The following ACTR3B variants were observed in gnomAD, a reference collection of about 807,000 sequenced individuals.
The protein encoded by ACTR3B is actin-related protein 3B.
ACTR3B carries 8 observed loss-of-function variants against 59.0 expected under a neutral mutation model. The ratio of observed to expected loss-of-function variants is 0.14; its 90% CI spans 0.08 to 0.24. ACTR3B has a LOEUF of 0.24. ACTR3B is among the 10% of genes least tolerant of loss of function. The pLI, the probability that ACTR3B is intolerant of heterozygous loss-of-function variation, is 1.00. For missense variants in ACTR3B, 245 were observed against 552.3 expected, an observed-to-expected ratio of 0.44 and a Z score of 5.58; for synonymous variants, 148 against 197.9, an observed-to-expected ratio of 0.75 and a Z score of 2.12.
intron 2 of ACTR3B, among the ~76,000 whole-genome samples, chr7:152,788,014 T>TC (rs1412776058): frequency 1.3e-5 from 2 of 152,222 alleles, no homozygotes; most frequent in East Asian, 3.9e-4. Flanking sequence ...AACCTCCGCC[T>TC]CCCAGGTTCA....
intron 9 of ACTR3B, among the ~76,000 whole-genome samples, chr7:152,833,879 G>A (rs1302395911): frequency 4.6e-5 from 7 of 152,160 alleles, no homozygotes; most frequent in African/African-American, 1.4e-4. Context: ...ATCCGGCAAG[G>A]TAAGGTTGCG....
intron 4 of ACTR3B, chr7:152,813,168 C>T (rs2116814256): frequency 9.3e-6 from 1 of 107,722 alleles, no homozygotes; most frequent in African/African-American, 3.6e-5. Flanking sequence ...CTTGAAAGGC[C>T]CTATTTCCAA....
At chr7:152,818,520 G>A (rs185459342) in intron 6 of ACTR3B, among the ~76,000 whole-genome samples, 53 of 151,968 alleles carry the variant, frequency 3.5e-4, no homozygotes, top group Middle Eastern at 3.4e-3. Flanking sequence ...GCACGATCTC[G>A]GCACACTGCA....
intron 9 of ACTR3B, among the ~76,000 whole-genome samples, chr7:152,834,076 T>G (rs186930333): frequency 2.0e-5 from 3 of 151,166 alleles, no homozygotes; most frequent in Admixed American, 2.0e-4. Context: ...CATGTTCAAT[T>G]TAGAAAATTT....
At chr7:152,821,160 C>T (rs1049903574) in intron 7 of ACTR3B, among the ~76,000 whole-genome samples, 44 of 152,210 alleles carry the variant, frequency 2.9e-4, no homozygotes, top group Non-Finnish European at 5.1e-4. Context: ...GTGGGGAAGA[C>T]GTGGTCCCTT....
At chr7:152,833,696 T>C (rs185449176) in intron 9 of ACTR3B, among the ~76,000 whole-genome samples, 2 of 152,336 alleles carry the variant, frequency 1.3e-5, no homozygotes, top group South Asian at 2.1e-4. Flanking sequence ...GCTGTTAATA[T>C]AGATTTTATT....
chr7:152,804,522 CAG>C (rs2098246368), intron 4 of ACTR3B, among the ~76,000 whole-genome samples: 1 of 152,142 alleles, frequency 6.6e-6, no homozygotes, highest in Non-Finnish European at 1.5e-5. Flanking sequence ...CTCTGGCACA[CAG>C]AGTCTTGAAG....
At chr7:152,831,177 A>C (rs1003219858) in intron 9 of ACTR3B, among the ~76,000 whole-genome samples, 1 of 152,250 alleles carries the variant, frequency 6.6e-6, no homozygotes, top group Non-Finnish European at 1.5e-5. Flanking sequence ...GGCTGATGTT[A>C]ACAACTGGAA....
At chr7:152,783,977 C>T (rs2098163356) in intron 2 of ACTR3B, among the ~76,000 whole-genome samples, 1 of 151,954 alleles carries the variant, frequency 6.6e-6, no homozygotes, top group African/African-American at 2.4e-5. Flanking sequence ...GTAATCCCAG[C>T]GACTCGGGAG....
At chr7:152,767,430 C>A (rs946215608) in intron 1 of ACTR3B, among the ~76,000 whole-genome samples, 17 of 152,162 alleles carry the variant, frequency 1.1e-4, no homozygotes, top group Non-Finnish European at 1.5e-4. Flanking sequence ...GCCGGCTTCC[C>A]CTGCCCATCT....
chr7:152,761,272 T>C (rs2098088503), intron 1 of ACTR3B, among the ~76,000 whole-genome samples: 1 of 152,120 alleles, frequency 6.6e-6, no homozygotes, highest in African/African-American at 2.4e-5. Flanking sequence ...CACCCTTAAC[T>C]CATGCCCTCC....
At chr7:152,805,310 GGA>G (rs1346107038) in intron 4 of ACTR3B, among the ~76,000 whole-genome samples, 1 of 151,878 alleles carries the variant, frequency 6.6e-6, no homozygotes, top group Non-Finnish European at 1.5e-5. Context: ...GGAGGAAGAA[GGA>G]GAGTTTGGTT....
chr7:152,827,437 G>C (rs1037106608), intron 9 of ACTR3B, among the ~76,000 whole-genome samples: 5 of 151,988 alleles, frequency 3.3e-5, no homozygotes, highest in Non-Finnish European at 5.9e-5. Context: ...CCCGTTGTGG[G>C]AAAGGAGAGA....
chr7:152,760,049 G>C, intron 1 of ACTR3B, 123 bp downstream of exon 1: 1 of 872,188 alleles, frequency 1.1e-6, no homozygotes, highest in Non-Finnish European at 1.5e-6. Flanking sequence ...GATCACCTGG[G>C]CAGGTGGGGC....
chr7:152,836,239 G>T (rs1797446074), intron 9 of ACTR3B, among the ~76,000 whole-genome samples: 1 of 152,216 alleles, frequency 6.6e-6, no homozygotes, highest in Non-Finnish European at 1.5e-5. Context: ...CAAAAGATAG[G>T]CTCAGTAAAT....
intron 9 of ACTR3B, among the ~76,000 whole-genome samples, chr7:152,851,406 A>G (rs58882315): frequency 0.079 from 12,054 of 152,266 alleles, 692 homozygotes; most frequent in African/African-American, 0.16. Flanking sequence ...GAAGAGGACC[A>G]GCTGCTCGGG....
At chr7:152,811,196 G>A (rs1023676649) in intron 4 of ACTR3B, 7 of 147,590 alleles carry the variant, frequency 4.7e-5, no homozygotes, top group Non-Finnish European at 1.0e-4. Flanking sequence ...TTAACTGAGA[G>A]ACTTTTAGTA....
chr7:152,772,568 A>G (rs1253666352), intron 1 of ACTR3B, among the ~76,000 whole-genome samples: 1 of 151,318 alleles, frequency 6.6e-6, no homozygotes, highest in African/African-American at 2.4e-5. Flanking sequence ...AAGAAGGAAG[A>G]CAATGTGATT....
At chr7:152,761,611 T>C (rs1351032516) in intron 1 of ACTR3B, among the ~76,000 whole-genome samples, 1 of 152,198 alleles carries the variant, frequency 6.6e-6, no homozygotes, top group African/African-American at 2.4e-5. Context: ...TAGATCATTG[T>C]TTTGTGGCCC....
Sources: allele counts gnomAD v4.1 joint callset (sites outside exome capture counted in the v4.1 genomes callset), GRCh38; gene constraint gnomAD v4.1.1; transcripts MANE v1.5; gene names NCBI Gene and HGNC (gene_info 2026-07-23, HGNC 2026-07-21).